Variants in MXRA7 observed in about 807,000 individuals in gnomAD.
MXRA7 encodes the protein matrix remodeling associated 7, also known as matrix-remodeling-associated protein 7.
A neutral mutation model predicts 17.4 loss-of-function variants in MXRA7; 18 were observed. The ratio of observed to expected loss-of-function variants is 1.03; its 90% confidence interval spans 0.71 to 1.53. The LOEUF is 1.53. MXRA7 is among the 40% of genes most tolerant of loss of function. The pLI, the probability that MXRA7 is intolerant of heterozygous loss-of-function variation, is 0.00. For missense variants in MXRA7, 141 were observed against 209.3 expected (o/e 0.67, Z 2.01); for synonymous variants, 70 against 101.7 (o/e 0.69, Z 1.87).
chr17:76,704,994 C>G (rs2076640532), intron 1 of MXRA7, among the ~76,000 whole-genome samples: 1 of 152,140 alleles, frequency 6.6e-6, no homozygotes, highest in African/African-American at 2.4e-5. Flanking sequence ...GAGGCCCAAG[C>G]TGGTCTCCCT....
At chr17:76,709,225 G>C (rs924969148) in intron 1 of MXRA7, among the ~76,000 whole-genome samples, 2 of 152,192 alleles carry the variant, frequency 1.3e-5, no homozygotes, top group Non-Finnish European at 1.5e-5. Flanking sequence ...GACGGCTCCA[G>C]AACTGTCTAA....
Position 76,706,706 on chromosome 17 carries a change from G to A in MXRA7, c.342+3899C>T, listed in dbSNP as rs988717695. On this transcript the variant is annotated intron_variant, in intron 1 of 3. Transcript: ENST00000449428. Reference sequence around the variant, plus strand: ...TGGTTAAGACAGACAGATGAAGGCTGTGCTACCCACTCAGACCACCACCTC... The same window carrying A: ...TGGTTAAGACAGACAGATGAAGGCTATGCTACCCACTCAGACCACCACCTC... Among the ~76,000 whole-genome samples, 24 of 152,162 alleles carry A rather than the reference G, an allele frequency of 1.6e-4. No homozygotes were observed. In the East Asian group the frequency reaches 2.7e-3, roughly 17 times the overall value.
At chr17:76,689,110 CAG>C in intron 1 of MXRA7, 1 of 152,788 alleles carries the variant, frequency 6.5e-6, no homozygotes, top group Non-Finnish European at 1.5e-5. Flanking sequence ...GTTTCTGAGA[CAG>C]AGTTTTGGCT....
In MXRA7 at chr17:76,681,992, C is replaced by T. The variant is rs985314261; in HGVS notation, c.501-1113G>A. 3.3e-5 allele frequency among the ~76,000 whole-genome samples: 5 copies of T among 152,178 alleles called. No homozygotes were observed. Among genetic ancestry groups the T allele is most frequent in the Admixed American group, 1.3e-4 (2 of 15,266 alleles). ...CGGCCCGAGGGGAGAGCTGAGGAGG[C>T]GGGCAGACAGTGGCAAGCAGGATCT... On this transcript the variant is annotated intron_variant, in intron 3 of 3. Transcript: ENST00000449428. The surrounding 1 kb of genome is among the most constrained non-coding windows in gnomAD (Gnocchi z 4.7).
intron 2 of MXRA7, among the ~76,000 whole-genome samples, chr17:76,686,920 C>T (rs981641784): frequency 6.6e-6 from 1 of 151,066 alleles, no homozygotes; most frequent in Non-Finnish European, 1.5e-5. Flanking sequence ...TGTTCAGGAG[C>T]AGCGGTGCAG....
At chr17:76,708,528 A>C (rs554821439) in intron 1 of MXRA7, among the ~76,000 whole-genome samples, 3 of 152,316 alleles carry the variant, frequency 2.0e-5, no homozygotes, top group African/African-American at 7.2e-5. Flanking sequence ...CAGCAGTGTG[A>C]TCATCAGAAG....
chr17:76,687,406 T>C (rs1162480237), intron 2 of MXRA7, among the ~76,000 whole-genome samples: 1 of 152,244 alleles, frequency 6.6e-6, no homozygotes, highest in East Asian at 1.9e-4. Flanking sequence ...TTTAAAATTA[T>C]GAAATATTTC....
chr17:76,688,046 C>A lies in MXRA7; in HGVS notation c.406+67G>T. On this transcript the variant is annotated intron_variant, in intron 2 of 3. Coordinates refer to ENST00000449428, the MANE Select transcript of MXRA7 (RefSeq NM_198530.4). ...GCACTCGAACCCCAGCTCCTGTGAT[C>A]CCCAGCAGGACACAGACCACCCCCG... 15 of 1,349,136 alleles carry A rather than the reference C, an allele frequency of 1.1e-5. No individual in the cohort carries two copies. The South Asian group carries it at 1.5e-4, about 14-fold the overall frequency. The allele number at this position is 1,349,136 out of a possible 1,614,324, so 83.6% of individuals were successfully genotyped here.
intron 1 of MXRA7, among the ~76,000 whole-genome samples, chr17:76,702,289 T>C (rs1017297646): frequency 6.6e-6 from 1 of 152,132 alleles, no homozygotes; most frequent in African/African-American, 2.4e-5. Flanking sequence ...GGAGGTTGGA[T>C]TGAGGCCAGG....
chr17:76,702,885 A>ATATATATATATATATATATACG (rs2076610585), intron 1 of MXRA7, among the ~76,000 whole-genome samples: 3 of 149,474 alleles, frequency 2.0e-5, no homozygotes, highest in East Asian at 3.9e-4. Flanking sequence ...ATATATATAT[A>ATATATATATATATATATATACG]TATATCTTGA....
chr17:76,690,884 C>T (rs908401106), intron 1 of MXRA7, among the ~76,000 whole-genome samples: 6 of 152,038 alleles, frequency 3.9e-5, no homozygotes, highest in Non-Finnish European at 8.8e-5. Flanking sequence ...TGACACTGAG[C>T]TCCTAAGTCC....
At chr17:76,677,120 CTG>C (rs2143553339), downstream of MXRA7, 1 of 154,692 alleles carries the variant, frequency 6.5e-6, no homozygotes, top group Admixed American at 6.4e-5. Context: ...TGGCAAAACG[CTG>C]TCTCTACTGA....
At chr17:76,695,481 C>T (rs373793947) in intron 1 of MXRA7, among the ~76,000 whole-genome samples, 6 of 152,122 alleles carry the variant, frequency 3.9e-5, no homozygotes, top group Non-Finnish European at 8.8e-5. Flanking sequence ...ATTTTACCTT[C>T]GTGCCTCCCT....
chr17:76,704,857 G>T (rs1033432059), intron 1 of MXRA7, among the ~76,000 whole-genome samples: 1 of 150,752 alleles, frequency 6.6e-6, no homozygotes, highest in South Asian at 2.1e-4. Flanking sequence ...TTCTGAACCT[G>T]ACCTCCTCAT....
At chr17:76,695,727 G>A (rs965853249) in intron 1 of MXRA7, among the ~76,000 whole-genome samples, 1 of 152,150 alleles carries the variant, frequency 6.6e-6, no homozygotes, top group African/African-American at 2.4e-5. Flanking sequence ...ATGGAGGCAC[G>A]GAACACCTCG....
At chr17:76,685,848 G>A (rs1232773508) in intron 2 of MXRA7, among the ~76,000 whole-genome samples, 1 of 152,220 alleles carries the variant, frequency 6.6e-6, no homozygotes, top group Non-Finnish European at 1.5e-5. Flanking sequence ...CATGAGCCAC[G>A]GTGAGGAGAG....
At position 76,707,291 on chromosome 17, in the gene MXRA7, C is replaced by CTTTTTTTTT. The variant is rs56067261; in HGVS notation, c.342+3305_342+3313dup. On this transcript the variant is annotated intron_variant, in intron 1 of 3. Transcript: ENST00000449428. ...CACTGCCTTGCAGGAAGTCCCTACTCTTTTTTTTTTTTTTTTTTTTTTTTT... is the reference window on the plus strand; with the variant it reads ...CACTGCCTTGCAGGAAGTCCCTACTCTTTTTTTTTTTTTTTTTTTTTTTTTTTTTTTTTT... Among the ~76,000 whole-genome samples, 153 of 96,114 alleles carry CTTTTTTTTT rather than the reference C, an allele frequency of 1.6e-3. 8 individuals carry two copies. Among genetic ancestry groups the CTTTTTTTTT allele is most frequent in the East Asian group, 6.4e-3 (17 of 2,652 alleles). 63.1% of individuals were successfully genotyped at this position (96,114 alleles called of 152,430 possible).
At chr17:76,707,367 C>T (rs549541845) in intron 1 of MXRA7, among the ~76,000 whole-genome samples, 16 of 137,086 alleles carry the variant, frequency 1.2e-4, no homozygotes, top group East Asian at 2.5e-4. Flanking sequence ...TGCAGTGGCA[C>T]GATCTTGGCT....
intron 2 of MXRA7, 55 bp from the exon 3 acceptor site, chr17:76,685,220 A>T (rs1598340810): frequency 9.7e-6 from 13 of 1,334,628 alleles, no homozygotes; most frequent in Non-Finnish European, 1.3e-5. Flanking sequence ...TGGCCCCACA[A>T]ACCCCGGCCC....
Sources: gnomAD v4.1 joint callset for allele counts (sites outside exome capture counted in the v4.1 genomes callset) on GRCh38, gnomAD v4.1.1 for gene constraint, Gnocchi (gnomAD v3.1) non-coding constraint, MANE v1.5 for transcripts, NCBI Gene and HGNC (gene_info 2026-07-23, HGNC 2026-07-21) for gene names.